The following BAHCC1 variants were observed in gnomAD, a reference collection of about 807,000 sequenced individuals.
BAHCC1 encodes BAH domain and coiled-coil containing 1, also known as BAH and coiled-coil domain-containing protein 1.
A neutral mutation model predicts 88.2 loss-of-function variants in BAHCC1; 43 were observed. That is an observed-to-expected ratio of 0.49 (90% CI 0.38 to 0.63). The LOEUF (loss-of-function observed/expected upper bound fraction) is 0.63. BAHCC1 is among the 20% of genes least tolerant of loss of function. BAHCC1 has a pLI of 0.00. For synonymous variants in BAHCC1, 1,510 were observed against 745.5 expected, an observed-to-expected ratio of 2.03 and a Z score of -16.71; for missense variants, 3,023 against 1,654.8, an observed-to-expected ratio of 1.83 and a Z score of -14.34.
At chr17:81,402,853 C>T (rs2063834029) in intron 2 of BAHCC1, 1 of 152,214 alleles carries the variant, frequency 6.6e-6, no homozygotes, top group Admixed American at 6.5e-5. Flanking sequence ...GGCTCCCAGG[C>T]TTCTTCCATT....
intron 14 of BAHCC1, among the ~76,000 whole-genome samples, chr17:81,454,848 G>A (rs782443536): frequency 5.9e-5 from 9 of 152,128 alleles, no homozygotes; most frequent in Non-Finnish European, 1.0e-4. Context: ...AGCACTGGGC[G>A]GCCCCTCAGA....
intron 15 of BAHCC1, 89 bp downstream of exon 15, chr17:81,455,479 T>C: frequency 1.5e-6 from 1 of 657,312 alleles, no homozygotes; most frequent in African/African-American, 1.8e-5. Context: ...CCCAGCCCTG[T>C]GCCGAAACCC....
Position 81,447,422 on chromosome 17 carries a change from G to C in BAHCC1, c.3550G>C (p.Glu1184Gln). The change falls in exon 11 of 28, where the codon GAG (glutamate) becomes CAG (glutamine). Residue 1184 changes from glutamate to glutamine, a missense_variant. Transcript: ENST00000675386. ...AHSTQGGARE[E>Q]RSREEGEQGP... The stretch of plus-strand genomic sequence containing the variant: ...TTCTACTCAGGGAGGGGCACGAGAA[G>C]AGAGGAGCAGGGAGGAGGGGGAGCA... 1 of 745,904 alleles carries C rather than the reference G, an allele frequency of 1.3e-6. No homozygotes were observed. 46.2% of individuals were successfully genotyped at this position (745,904 alleles called of 1,614,324 possible).
At position 81,458,906 on chromosome 17, in the gene BAHCC1, G is replaced by A; in HGVS notation, c.5542G>A (p.Glu1848Lys). The change falls in exon 20 of 28, where the codon GAG becomes AAG. Residue 1848 changes from glutamate (E) to lysine (K), a missense_variant. Transcript: ENST00000675386. The part of the protein sequence containing the change: ...DDNSSFSEEE[E>K]DEEEEEEDSG... ...CAACAGCAGCTTCTCGGAAGAGGAG[G>A]AGGACGAGGAGGAAGAGGAGGAGGA... 3 of 771,694 alleles carry A rather than the reference G, an allele frequency of 3.9e-6. No individual in the cohort carries two copies. Among genetic ancestry groups the A allele is most frequent in the Non-Finnish European group, 7.3e-6 (3 of 412,910 alleles). 47.8% of individuals were successfully genotyped at this position (771,694 alleles called of 1,614,324 possible). A position where few individuals can be genotyped will look rare whatever the true frequency, so the allele number is the denominator to read the frequency against.
intron 2 of BAHCC1, among the ~76,000 whole-genome samples, chr17:81,416,264 C>T (rs2064022619): frequency 9.7e-6 from 1 of 103,182 alleles, no homozygotes; most frequent in African/African-American, 3.9e-5. Flanking sequence ...GTGTGTGTGT[C>T]CATGAGGGTG....
chr17:81,415,463 T>A (rs782738375), intron 2 of BAHCC1: 1 of 486,522 alleles, frequency 2.1e-6, no homozygotes. Context: ...CGAGGCCCCA[T>A]GTGGTTGGAG....
chr17:81,462,096 G>C (rs1341088552), intron 26 of BAHCC1, 50 bp downstream of exon 26: 2 of 690,084 alleles, frequency 2.9e-6, no homozygotes, highest in South Asian at 1.7e-5. Context: ...AGGAAACCGG[G>C]GCGGGCTCAT....
At position 81,444,496 on chromosome 17, in the gene BAHCC1, C is replaced by T; in HGVS notation, c.2440C>T (p.His814Tyr). 1 of 705,582 alleles carries T rather than the reference C, an allele frequency of 1.4e-6. No homozygotes were observed. The highest frequency in any genetic ancestry group is 2.6e-6 in the Non-Finnish European group (1 of 382,752). 43.7% of individuals were successfully genotyped at this position (705,582 alleles called of 1,614,324 possible). The stretch of plus-strand genomic sequence containing the variant: ...CCAGCTGGGCGGGGACCCAGCCCCC[C>T]ACACCCACCCCCATCCCCCCTGGCT... ...SGQLGGDPAP[H>Y]THPHPPWLPR... is the part of the protein sequence containing the mutation. The change falls in exon 7 of 28, where the codon CAC (histidine) becomes TAC (tyrosine). Residue 814 changes from histidine (H) to tyrosine (Y), a missense_variant. Physicochemically the swap from His to Tyr is moderately conservative, Grantham distance 83. Coordinates refer to ENST00000675386, the MANE Select transcript of BAHCC1 (RefSeq NM_001377448.1).
rs782450523 is a variant in BAHCC1, at chr17:81,411,187, C to G, written c.178+11270C>G. On this transcript the variant is annotated intron_variant, in intron 2 of 27. Coordinates refer to ENST00000675386, the MANE Select transcript of BAHCC1 (RefSeq NM_001377448.1). This position sits in a 1 kb window ranked among gnomAD's most constrained non-coding sequence, Gnocchi z 6.2. ...TCCTGTCTCTGCCCCAGGCTGAGGC[C>G]GAGGGTCTGCGCCACCTGGGCATGC... The G allele has an allele frequency of 1.9e-6, 1 of 518,000 alleles. No individual in the cohort carries two copies. The highest frequency in any genetic ancestry group is 1.9e-5 in the Admixed American group (1 of 51,568). The allele number at this position is 518,000 out of a possible 1,614,324, so 32.1% of individuals were successfully genotyped here.
intron 3 of BAHCC1, among the ~76,000 whole-genome samples, chr17:81,429,267 G>A (rs2064233976): frequency 6.6e-6 from 1 of 152,244 alleles, no homozygotes; most frequent in Non-Finnish European, 1.5e-5. Context: ...GATGGGTGTG[G>A]GTGCCCCCCG....
chr17:81,460,406 G>T lies in BAHCC1; in HGVS notation c.6025+10G>T. 1.3e-6 allele frequency: 1 copy of T among 754,056 alleles called. No individual in the cohort carries two copies. 46.7% of individuals were successfully genotyped at this position (754,056 alleles called of 1,614,324 possible). On this transcript the variant is annotated intron_variant, in intron 24 of 27. Transcript: ENST00000675386. ...GACTTCAAGATCCAGTGTGAGCCTG[G>T]GAGCTGCACGGGGCAGGGCCCTGCC...
rs1555652573 is a variant in BAHCC1 at position 81,441,860 on chromosome 17, C to A, written c.511C>A (p.Gln171Lys). 3.0e-6 allele frequency: 2 copies of A among 666,268 alleles called. No individual in the cohort carries two copies. The allele number at this position is 666,268 out of a possible 1,614,324, so 41.3% of individuals were successfully genotyped here. ...CTTCTACCTGCGCAACCTGCCGCCC[C>A]AGCCCACGCTGCTGCCGGCCAACCA... ...DNFYLRNLPP[Q>K]PTLLPANHNF... Residue 171 changes from glutamine (Q) to lysine (K), a missense_variant, in exon 5 of 28, where the codon CAG becomes AAG. Transcript: ENST00000675386.
In BAHCC1 at chr17:81,399,733, GC is replaced by G. The variant is rs1555645666; in HGVS notation, c.-4del. The stretch of plus-strand genomic sequence containing the variant: ...GAAGCGGCGGCGGACCGGGGCCGGG[GC>G]CCGGCATGGATGGCCGCGACTTTGC... On this transcript the variant is annotated 5_prime_UTR_variant, in exon 2 of 28. Transcript: ENST00000675386. The surrounding 1 kb of genome is among the most constrained non-coding windows in gnomAD (Gnocchi z 4.5). The G allele has an allele frequency of 3.6e-6, 4 of 1,101,094 alleles. No individual in the cohort carries two copies. In the South Asian group the frequency reaches 1.7e-4, roughly 46 times the overall value. The allele number at this position is 1,101,094 out of a possible 1,614,324, so 68.2% of individuals were successfully genotyped here. A position where few individuals can be genotyped will look rare whatever the true frequency, so the allele number is the denominator to read the frequency against.
rs539743120 is a variant in BAHCC1, at chr17:81,453,111, C to G, written c.4445+260C>G. ...CCCTCTGGAAGTCACGGCCCCCAGG[C>G]CCAGCCACGCCGGCTCTGCACACCT... On this transcript the variant is annotated intron_variant, in intron 14 of 27. Transcript: ENST00000675386. Among the ~76,000 whole-genome samples the G allele has an allele frequency of 1.4e-4, 21 of 152,372 alleles. No individual in the cohort carries two copies. In the South Asian group the frequency reaches 3.7e-3, roughly 27 times the overall value.
rs918254494 is a variant in BAHCC1 at position 81,411,995 on chromosome 17, G to A, written c.178+12078G>A. 1.3e-5 allele frequency among the ~76,000 whole-genome samples: 2 copies of A among 152,250 alleles called. No individual in the cohort carries two copies. The highest frequency in any genetic ancestry group is 1.3e-4 in the Admixed American group (2 of 15,292). ...AGGGACTCAAGTGTGGCCACGATTAGGGCAGGACCAGGGCCCCGTGGCCTC... is the reference window on the plus strand; with the variant it reads ...AGGGACTCAAGTGTGGCCACGATTAAGGCAGGACCAGGGCCCCGTGGCCTC... On this transcript the variant is annotated intron_variant, in intron 2 of 27. Coordinates refer to ENST00000675386, the MANE Select transcript of BAHCC1 (RefSeq NM_001377448.1). This position sits in a 1 kb window ranked among gnomAD's most constrained non-coding sequence, Gnocchi z 6.2.
At position 81,450,457 on chromosome 17, in the gene BAHCC1, G is replaced by A. The variant is rs191368182; in HGVS notation, c.3977-1211G>A. ...CCTTCCCCAGGCCACTGCCTGGGCTGTTGGGCTGCCGCTGTTCCTGCGGTC... is the reference window on the plus strand; with the variant it reads ...CCTTCCCCAGGCCACTGCCTGGGCTATTGGGCTGCCGCTGTTCCTGCGGTC... On this transcript the variant is annotated intron_variant, in intron 11 of 27. Transcript: ENST00000675386. Among the ~76,000 whole-genome samples the A allele has an allele frequency of 1.1e-3, 164 of 152,318 alleles. 1 individual carries two copies. Among genetic ancestry groups the A allele is most frequent in the African/African-American group, 3.8e-3 (159 of 41,586 alleles).
At chr17:81,398,587 G>A (rs1377991855) in intron 1 of BAHCC1, among the ~76,000 whole-genome samples, 2 of 139,626 alleles carry the variant, frequency 1.4e-5, no homozygotes, top group Non-Finnish European at 3.1e-5. Context: ...TTGAGAGAGA[G>A]CATTCTGACT....
At position 81,456,286 on chromosome 17, in the gene BAHCC1, C is replaced by A; in HGVS notation, c.4570-11C>A. ...CGCCCTGAGAGTGCAGCTGCCCCTCCCTGTTCACAGGAGAAGGCGCAGTGT... is the reference window on the plus strand; with the variant it reads ...CGCCCTGAGAGTGCAGCTGCCCCTCACTGTTCACAGGAGAAGGCGCAGTGT... On this transcript the variant is annotated splice_polypyrimidine_tract_variant and intron_variant, in intron 15 of 27. Transcript: ENST00000675386. 2 of 708,960 alleles carry A rather than the reference C, an allele frequency of 2.8e-6. No homozygotes were observed. Among genetic ancestry groups the A allele is most frequent in the East Asian group, 5.4e-5 (2 of 37,214 alleles). 43.9% of individuals were successfully genotyped at this position (708,960 alleles called of 1,614,324 possible).
At chr17:81,410,101 TG>T in intron 2 of BAHCC1, 7 of 350,332 alleles carry the variant, frequency 2.0e-5, no homozygotes, top group Admixed American at 3.1e-5. Flanking sequence ...TGAGTGGGAC[TG>T]GGGGATGCAG....
Sources: allele counts gnomAD v4.1 joint callset (sites outside exome capture counted in the v4.1 genomes callset), GRCh38; gene constraint gnomAD v4.1.1; non-coding constraint Gnocchi (gnomAD v3.1); transcripts MANE v1.5; gene names NCBI Gene and HGNC (gene_info 2026-07-23, HGNC 2026-07-21).